Variants in LTBP1 observed in about 807,000 individuals in gnomAD.
LTBP1 encodes the protein latent-transforming growth factor beta-binding protein 1.
A neutral mutation model predicts 207.6 loss-of-function variants in LTBP1; 129 were observed. The ratio of observed to expected loss-of-function variants is 0.62; its 90% CI spans 0.54 to 0.72. The LOEUF is 0.72. Ranked by LOEUF, LTBP1 falls within the 30% of genes least tolerant of loss-of-function variation. The pLI, the probability that LTBP1 is intolerant of heterozygous loss-of-function variation, is 0.00. For missense variants in LTBP1, 2,281 were observed against 2,217.2 expected (o/e 1.03, Z -0.58); for synonymous variants, 963 against 833.7 (o/e 1.16, Z -2.67).
chr2:33,297,544 G>A (rs1320960010), intron 20 of LTBP1, among the ~76,000 whole-genome samples: 1 of 151,948 alleles, frequency 6.6e-6, no homozygotes, highest in African/African-American at 2.4e-5. Flanking sequence ...TGATTCTTCT[G>A]CCTCAGCCTC....
At chr2:33,277,800 T>TCTCC (rs1558933726) in intron 18 of LTBP1, among the ~76,000 whole-genome samples, 4 of 106,304 alleles carry the variant, frequency 3.8e-5, no homozygotes, top group African/African-American at 1.7e-4. Context: ...TTTCTTTCTC[T>TCTCC]CTCTCTTTCT....
At position 33,228,695 on chromosome 2, in the gene LTBP1, CCCTT is replaced by C. The variant is rs1263191619; in HGVS notation, c.1876+6545_1876+6548del. Among the ~76,000 whole-genome samples the C allele has an allele frequency of 6.3e-4, 38 of 60,702 alleles. 5 individuals are homozygous for C. The highest frequency in any genetic ancestry group is 3.1e-3 in the East Asian group (9 of 2,946). 39.8% of individuals were successfully genotyped at this position (60,702 alleles called of 152,430 possible). ...GTTAATAAGCCCAACCAGGGTTATA[CCCTT>C]TTTTTTTTTTTTTTTTTTTGAGATG... On this transcript the variant is annotated intron_variant, in intron 9 of 33. Transcript: ENST00000404816.
chr2:33,094,280 T>G (rs894735348), intron 3 of LTBP1, among the ~76,000 whole-genome samples: 1 of 152,188 alleles, frequency 6.6e-6, no homozygotes, highest in Non-Finnish European at 1.5e-5. Flanking sequence ...AGTTTCCTTC[T>G]TCCCTTAAGA....
At chr2:33,029,974 AATGTTTAGAATTAGC>A (rs1165804003) in intron 3 of LTBP1, among the ~76,000 whole-genome samples, 1 of 152,112 alleles carries the variant, frequency 6.6e-6, no homozygotes, top group Non-Finnish European at 1.5e-5. Flanking sequence ...GCTGTTCCCA[AATGTTTAGAATTAGC>A]TGGACTGTCT....
chr2:33,020,830 C>G, intron 2 of LTBP1, 79 bp from the exon 3 acceptor site: 1 of 1,346,696 alleles, frequency 7.4e-7, no homozygotes, highest in Non-Finnish European at 1.0e-6. Flanking sequence ...CAACCTGATG[C>G]TACTGTTAAC....
chr2:33,321,087 G>A (rs570516074), intron 24 of LTBP1, among the ~76,000 whole-genome samples: 2 of 152,118 alleles, frequency 1.3e-5, no homozygotes, highest in East Asian at 3.9e-4. Context: ...ATAATACCCT[G>A]GACTGAGTAT....
chr2:33,245,422 C>G (rs966771921), intron 10 of LTBP1, among the ~76,000 whole-genome samples: 5 of 152,126 alleles, frequency 3.3e-5, no homozygotes, highest in Admixed American at 6.6e-5. Flanking sequence ...TTTGTTGAGT[C>G]TTTTGAAATG....
At chr2:33,223,864 A>G (rs2091278691) in intron 9 of LTBP1, among the ~76,000 whole-genome samples, 1 of 152,178 alleles carries the variant, frequency 6.6e-6, no homozygotes, top group Non-Finnish European at 1.5e-5. Context: ...GAGAAATATT[A>G]TGGCTGCCCT....
chr2:33,077,253 T>A (rs1455942635), intron 3 of LTBP1, among the ~76,000 whole-genome samples: 1 of 152,202 alleles, frequency 6.6e-6, no homozygotes, highest in Non-Finnish European at 1.5e-5. Flanking sequence ...TAACTGGGAT[T>A]CCAAGGAATT....
At chr2:33,103,331 T>A (rs536936380) in intron 3 of LTBP1, among the ~76,000 whole-genome samples, 1 of 152,158 alleles carries the variant, frequency 6.6e-6, no homozygotes, top group Non-Finnish European at 1.5e-5. Context: ...TTATGCCGTA[T>A]GCATTGTCTG....
intron 3 of LTBP1, among the ~76,000 whole-genome samples, chr2:33,044,003 C>G (rs535144409): frequency 1.3e-5 from 2 of 149,438 alleles, no homozygotes; most frequent in African/African-American, 4.9e-5. Flanking sequence ...TCCACTGACT[C>G]TTAGACTCTA....
intron 2 of LTBP1, among the ~76,000 whole-genome samples, chr2:32,958,942 A>G (rs947946402): frequency 3.3e-5 from 5 of 152,194 alleles, no homozygotes; most frequent in Non-Finnish European, 7.3e-5. Context: ...CAACATCATC[A>G]TCTGATAGAG....
At chr2:33,014,765 G>C (rs981982850) in intron 2 of LTBP1, among the ~76,000 whole-genome samples, 8 of 152,204 alleles carry the variant, frequency 5.3e-5, no homozygotes, top group African/African-American at 1.9e-4. Context: ...AACTGGAGTA[G>C]ATACGAATGT....
chr2:33,117,277 A>G (rs777096038), intron 4 of LTBP1, among the ~76,000 whole-genome samples: 3 of 152,080 alleles, frequency 2.0e-5, no homozygotes, highest in South Asian at 4.1e-4. Flanking sequence ...TATTAATACT[A>G]TGGTTGAATG....
chr2:33,318,344 A>G (rs1028284651), intron 24 of LTBP1, among the ~76,000 whole-genome samples: 2 of 152,136 alleles, frequency 1.3e-5, no homozygotes, highest in African/African-American at 4.8e-5. Context: ...GCTATTTGTC[A>G]TTTATTCACT....
rs1296933334 is a variant in LTBP1, at chr2:33,334,907, A to T, written c.3731-7931A>T. On this transcript the variant is annotated intron_variant, in intron 24 of 33. Transcript: ENST00000404816. The stretch of plus-strand genomic sequence containing the variant: ...AACATAATGAGACCTCATCTCTACT[A>T]AAAATTAAAAAAAAAAAAAAAAAAT... Among the ~76,000 whole-genome samples, 42 of 141,332 alleles carry T rather than the reference A, an allele frequency of 3.0e-4. 1 individual carries two copies. The highest frequency in any genetic ancestry group is 1.3e-3 in the African/African-American group (42 of 32,636). The allele number at this position is 141,332 out of a possible 152,430, so 92.7% of individuals were successfully genotyped here.
chr2:33,329,141 A>G (rs1391678737), intron 24 of LTBP1, among the ~76,000 whole-genome samples: 2 of 152,200 alleles, frequency 1.3e-5, no homozygotes, highest in African/African-American at 4.8e-5. Flanking sequence ...GCAAAGGGTT[A>G]AGAGTCTCAG....
At chr2:32,970,781 T>C (rs1270910229) in intron 2 of LTBP1, among the ~76,000 whole-genome samples, 1 of 152,174 alleles carries the variant, frequency 6.6e-6, no homozygotes, top group African/African-American at 2.4e-5. Context: ...ACATAGTTTT[T>C]TCTAATTCTA....
chr2:33,148,057 C>G (rs1258857982), intron 5 of LTBP1, among the ~76,000 whole-genome samples: 2 of 152,184 alleles, frequency 1.3e-5, no homozygotes, highest in Non-Finnish European at 2.9e-5. Flanking sequence ...AATATCTCAG[C>G]AAAACATTAC....
Sources: gnomAD v4.1 joint callset for allele counts (sites outside exome capture counted in the v4.1 genomes callset) on GRCh38, gnomAD v4.1.1 for gene constraint, MANE v1.5 for transcripts, NCBI Gene and HGNC (gene_info 2026-07-23, HGNC 2026-07-21) for gene names.